Variants in CDH4 observed in about 807,000 individuals in gnomAD.
CDH4 encodes cadherin-4.
Under a neutral mutation model 86.0 loss-of-function variants are expected in CDH4, and 33 were observed. The observed-to-expected ratio is 0.38, with a 90% confidence interval of 0.29 to 0.51. The LOEUF (loss-of-function observed/expected upper bound fraction) is 0.51. Ranked by LOEUF, CDH4 falls within the 20% of genes least tolerant of loss-of-function variation. The pLI is 0.86. For synonymous variants in CDH4, 555 were observed against 549.4 expected, an observed-to-expected ratio of 1.01 and a Z score of -0.14; for missense variants, 1,114 against 1,307.4, an observed-to-expected ratio of 0.85 and a Z score of 2.28.
intron 3 of CDH4, among the ~76,000 whole-genome samples, chr20:61,770,613 G>T (rs1210352569): frequency 6.6e-6 from 1 of 152,232 alleles, no homozygotes; most frequent in Non-Finnish European, 1.5e-5. Context: ...TTCAGGCGCG[G>T]TGGCTCACAC....
chr20:61,925,545 T>C (rs3787418), intron 11 of CDH4, among the ~76,000 whole-genome samples: 69,583 of 152,166 alleles, frequency 0.46, 18,122 homozygotes, highest in East Asian at 0.85. Flanking sequence ...CCCGGGCTGC[T>C]GTTTGCCGAG....
At position 61,862,281 on chromosome 20, in the gene CDH4, C is replaced by T. The variant is rs907893753; in HGVS notation, c.877+9383C>T. ...ACCCCATCTCCTCCTTCACCCTTGC[C>T]GTGGAGGCTGCAGGGAGAGCCCAGC... On this transcript the variant is annotated intron_variant, in intron 6 of 15. Transcript: ENST00000614565. 4.6e-5 allele frequency among the ~76,000 whole-genome samples: 7 copies of T among 152,170 alleles called. No individual in the cohort carries two copies. The South Asian group carries it at 6.2e-4, about 13-fold the overall frequency.
intron 2 of CDH4, among the ~76,000 whole-genome samples, chr20:61,556,851 G>A (rs777396650): frequency 2.0e-5 from 3 of 152,004 alleles, no homozygotes; most frequent in Non-Finnish European, 4.4e-5. Context: ...CCCGTCCTCC[G>A]ACCACAACTC....
At chr20:61,926,910 G>A (rs768348535) in intron 11 of CDH4, among the ~76,000 whole-genome samples, 6 of 152,134 alleles carry the variant, frequency 3.9e-5, no homozygotes, top group Admixed American at 2.6e-4. Context: ...TTGTGAGGCC[G>A]CAGCTGGAAC....
rs1978447097 is a variant in CDH4, at chr20:61,779,927, A to G, written c.576+6745A>G. ...TATCTTTACAGAATGTTTGCTGGGTAACTTAGCAGTATAATTAGCACGGAG... is the reference window on the plus strand; with the variant it reads ...TATCTTTACAGAATGTTTGCTGGGTGACTTAGCAGTATAATTAGCACGGAG... On this transcript the variant is annotated intron_variant, in intron 4 of 15. Transcript: ENST00000614565. 2.6e-5 allele frequency among the ~76,000 whole-genome samples: 4 copies of G among 152,372 alleles called. No individual in the cohort carries two copies. In the South Asian group the frequency reaches 8.3e-4, roughly 32 times the overall value.
chr20:61,892,017 C>T (rs1428263553), intron 7 of CDH4, among the ~76,000 whole-genome samples: 4 of 152,258 alleles, frequency 2.6e-5, no homozygotes, highest in Non-Finnish European at 4.4e-5. Context: ...GTGGGGCATA[C>T]AGTCTCTGTG....
intron 2 of CDH4, among the ~76,000 whole-genome samples, chr20:61,451,890 G>A (rs927107574): frequency 6.6e-5 from 10 of 152,172 alleles, no homozygotes; most frequent in Non-Finnish European, 1.2e-4. Flanking sequence ...CTCATGCCTA[G>A]GCACTTAGAT....
chr20:61,718,597 G>A (rs191273019), intron 2 of CDH4: 9 of 355,670 alleles, frequency 2.5e-5, no homozygotes, highest in Admixed American at 7.5e-5. Context: ...AGGGCAGAGC[G>A]CTGCAGGGGC....
chr20:61,350,718 C>A (rs978250356), intron 2 of CDH4, among the ~76,000 whole-genome samples: 3 of 152,194 alleles, frequency 2.0e-5, no homozygotes, highest in Admixed American at 2.0e-4. Context: ...CAGAGGCCCC[C>A]CCCCAGTGCT....
chr20:61,527,514 T>C (rs933325215), intron 2 of CDH4, among the ~76,000 whole-genome samples: 4 of 152,058 alleles, frequency 2.6e-5, no homozygotes, highest in Non-Finnish European at 5.9e-5. Context: ...TCTCCCAGAG[T>C]GCTGGGATTA....
In CDH4 at chr20:61,681,768, C is replaced by A. The variant is rs548862191; in HGVS notation, c.170-61795C>A. On this transcript the variant is annotated intron_variant, in intron 2 of 15. Transcript: ENST00000614565. This position sits in a 1 kb window ranked among gnomAD's most constrained non-coding sequence, Gnocchi z 4.5. ...AGCCCTGCGTCGGTGTTGCTGTGTTCTCAGGCCCGTGCAGCTGACATTCCT... is the reference window on the plus strand; with the variant it reads ...AGCCCTGCGTCGGTGTTGCTGTGTTATCAGGCCCGTGCAGCTGACATTCCT... Among the ~76,000 whole-genome samples, 26 of 152,340 alleles carry A rather than the reference C, an allele frequency of 1.7e-4. No individual in the cohort carries two copies. In the South Asian group the frequency reaches 5.4e-3, roughly 32 times the overall value.
chr20:61,503,058 G>A (rs1414987472), intron 2 of CDH4, among the ~76,000 whole-genome samples: 2 of 152,178 alleles, frequency 1.3e-5, no homozygotes, highest in African/African-American at 2.4e-5. Context: ...AAAAATAGAC[G>A]CGTTGTAAAT....
chr20:61,903,714 CA>C (rs2054754834), intron 8 of CDH4, among the ~76,000 whole-genome samples: 1 of 152,150 alleles, frequency 6.6e-6, no homozygotes, highest in African/African-American at 2.4e-5. Flanking sequence ...GGCCGAGAGG[CA>C]GCCCCCAGGG....
At chr20:61,794,207 T>C (rs934098301) in intron 4 of CDH4, among the ~76,000 whole-genome samples, 1 of 145,236 alleles carries the variant, frequency 6.9e-6, no homozygotes, top group African/African-American at 2.6e-5. Context: ...GCTCAGGAGG[T>C]GTTTAAGCCT....
chr20:61,555,295 T>A (rs6061636), intron 2 of CDH4, among the ~76,000 whole-genome samples: 74,803 of 152,118 alleles, frequency 0.49, 20,474 homozygotes, highest in African/African-American at 0.74. Context: ...ATCTTTAATT[T>A]TGGCGAGGAT....
intron 11 of CDH4, among the ~76,000 whole-genome samples, chr20:61,926,933 A>G (rs984538262): frequency 5.3e-5 from 8 of 152,238 alleles, no homozygotes; most frequent in Non-Finnish European, 1.0e-4. Flanking sequence ...CGGAGCGTCC[A>G]TCGCACGTGG....
intron 2 of CDH4, among the ~76,000 whole-genome samples, chr20:61,673,858 A>G (rs77299249): frequency 6.6e-6 from 1 of 152,242 alleles, no homozygotes; most frequent in Non-Finnish European, 1.5e-5. Context: ...ATATGACAAA[A>G]TGAGACAGAA....
chr20:61,606,507 G>C (rs1042850503), intron 2 of CDH4, among the ~76,000 whole-genome samples: 1 of 152,186 alleles, frequency 6.6e-6, no homozygotes, highest in Non-Finnish European at 1.5e-5. Context: ...GGGCCCACAA[G>C]TGCCCTGTCC....
chr20:61,853,821 G>T (rs953390074), intron 6 of CDH4, among the ~76,000 whole-genome samples: 3 of 152,216 alleles, frequency 2.0e-5, no homozygotes, highest in African/African-American at 7.2e-5. Context: ...GCTGCCTCCT[G>T]CATGGGGGGT....
Sources: gnomAD v4.1 joint callset for allele counts (sites outside exome capture counted in the v4.1 genomes callset) on GRCh38, gnomAD v4.1.1 for gene constraint, Gnocchi (gnomAD v3.1) non-coding constraint, MANE v1.5 for transcripts, NCBI Gene and HGNC (gene_info 2026-07-23, HGNC 2026-07-21) for gene names.